SLC35D4: variants seen among roughly 807,000 people sequenced by gnomAD.
SLC35D4 encodes UDP-N-acetylglucosamine transporter SLC35D4.
the SLC35D4 span, among the ~76,000 whole-genome samples, chr18:23,295,421 G>A: frequency 1.9e-4 from 29 of 151,916 alleles, no homozygotes; most frequent in Non-Finnish European, 3.7e-4. Flanking sequence ...ATGTCAGGCA[G>A]CTACTATTAT....
At chr18:23,390,990 C>G in the SLC35D4 span, among the ~76,000 whole-genome samples, 1 of 152,148 alleles carries the variant, frequency 6.6e-6, no homozygotes, top group African/African-American at 2.4e-5. Context: ...CTTTGAGAGG[C>G]TGAACCTGGT....
the SLC35D4 span, among the ~76,000 whole-genome samples, chr18:23,437,124 A>G: frequency 6.6e-6 from 1 of 152,170 alleles, no homozygotes. Flanking sequence ...ACCAAACCTA[A>G]AGCCAGCTTC....
At chr18:23,332,682 A>C in the SLC35D4 span, among the ~76,000 whole-genome samples, 1 of 151,988 alleles carries the variant, frequency 6.6e-6, no homozygotes, top group African/African-American at 2.4e-5. Flanking sequence ...TTCTTTAAAC[A>C]CCAGTGTAGC....
At chr18:23,428,036 G>A in the SLC35D4 span, among the ~76,000 whole-genome samples, 3 of 152,032 alleles carry the variant, frequency 2.0e-5, no homozygotes, top group Admixed American at 6.6e-5. Context: ...GGGGGAGAGG[G>A]GAGGGATAGC....
the SLC35D4 span, among the ~76,000 whole-genome samples, chr18:23,395,388 A>C: frequency 2.0e-5 from 3 of 152,188 alleles, no homozygotes; most frequent in Non-Finnish European, 4.4e-5. Context: ...CCGCACACAC[A>C]ATCCCATCTC....
chr18:23,294,417 A>G, the SLC35D4 span, among the ~76,000 whole-genome samples: 2 of 152,210 alleles, frequency 1.3e-5, no homozygotes, highest in African/African-American at 2.4e-5. Context: ...GAATTTGGGC[A>G]TAGAAGATGG....
chr18:23,364,797 G>A, the SLC35D4 span, among the ~76,000 whole-genome samples: 6 of 151,092 alleles, frequency 4.0e-5, no homozygotes, highest in South Asian at 8.4e-4. Context: ...CAGCCACTCG[G>A]GAGGCTGAGG....
chr18:23,289,486 C>A, the SLC35D4 span, among the ~76,000 whole-genome samples: 1 of 152,194 alleles, frequency 6.6e-6, no homozygotes, highest in Non-Finnish European at 1.5e-5. Flanking sequence ...CTTCCTTCAG[C>A]TTAATCTCTC....
At chr18:23,417,213 G>C in the SLC35D4 span, among the ~76,000 whole-genome samples, 1 of 150,600 alleles carries the variant, frequency 6.6e-6, no homozygotes, top group Non-Finnish European at 1.5e-5. Flanking sequence ...CTGCACTCCA[G>C]CCTGGACGAC....
the SLC35D4 span, chr18:23,370,065 GC>G: frequency 1.7e-6 from 1 of 579,468 alleles, no homozygotes; most frequent in Non-Finnish European, 2.9e-6. Flanking sequence ...TGTAATCCCA[GC>G]TACTCGGGAG....
At chr18:23,270,340 G>A in the SLC35D4 span, among the ~76,000 whole-genome samples, 5 of 152,250 alleles carry the variant, frequency 3.3e-5, no homozygotes, top group African/African-American at 1.2e-4. Context: ...CTAGATTTCA[G>A]AGGATATGTA....
chr18:23,349,524 G>A, the SLC35D4 span, among the ~76,000 whole-genome samples: 1 of 152,154 alleles, frequency 6.6e-6, no homozygotes, highest in Non-Finnish European at 1.5e-5. Context: ...CCAGCTACTC[G>A]GGAGGCTAAG....
the SLC35D4 span, chr18:23,437,891 G>A: frequency 6.3e-7 from 1 of 1,591,648 alleles, no homozygotes. Context: ...CACGGTGCCT[G>A]CCCAAATCCC....
chr18:23,358,691 T>G, the SLC35D4 span, among the ~76,000 whole-genome samples: 2 of 152,138 alleles, frequency 1.3e-5, no homozygotes, highest in Admixed American at 6.6e-5. Flanking sequence ...ACCCACTGTG[T>G]GTCAGCACCA....
the SLC35D4 span, chr18:23,385,022 T>A: frequency 6.2e-7 from 1 of 1,613,800 alleles, no homozygotes; most frequent in Non-Finnish European, 8.5e-7. Flanking sequence ...TACCCACAGA[T>A]GATAACTTCA....
the SLC35D4 span, among the ~76,000 whole-genome samples, chr18:23,344,663 G>A: frequency 6.1e-5 from 9 of 148,670 alleles, no homozygotes; most frequent in African/African-American, 1.7e-4. Context: ...GTGCAGTGGC[G>A]CGATCTCGGC....
chr18:23,367,325 T>C, the SLC35D4 span, among the ~76,000 whole-genome samples: 2 of 152,136 alleles, frequency 1.3e-5, no homozygotes, highest in African/African-American at 4.8e-5. Context: ...TTCCCTCCGA[T>C]ACTTAGATAG....
the SLC35D4 span, among the ~76,000 whole-genome samples, chr18:23,294,615 T>C: frequency 1.2e-4 from 18 of 151,924 alleles, no homozygotes; most frequent in African/African-American, 4.1e-4. Flanking sequence ...AAAAATTAGC[T>C]GGGTGGAGTG....
chr18:23,347,138 T>C, the SLC35D4 span, among the ~76,000 whole-genome samples: 2 of 152,234 alleles, frequency 1.3e-5, no homozygotes, highest in South Asian at 2.1e-4. Flanking sequence ...GGGGCTGAGC[T>C]TTTCTTTTCC....
Sources: allele counts gnomAD v4.1 joint callset (sites outside exome capture counted in the v4.1 genomes callset), GRCh38; gene constraint gnomAD v4.1.1; transcripts MANE v1.5; gene names NCBI Gene and HGNC (gene_info 2026-07-23, HGNC 2026-07-21).